JAG1: variants seen among roughly 807,000 people sequenced by gnomAD.
JAG1 encodes jagged canonical Notch ligand 1.
JAG1 carries 23 observed loss-of-function variants against 148.7 expected under a neutral mutation model. The ratio of observed to expected loss-of-function variants is 0.15; its 90% CI spans 0.11 to 0.22. JAG1 has a LOEUF of 0.22. Among genes scored for constraint, JAG1 ranks in the 10% least tolerant of loss-of-function variants. The pLI is 1.00. For missense variants in JAG1, 1,054 were observed against 1,611.2 expected, an observed-to-expected ratio of 0.65 and a Z score of 5.92; for synonymous variants, 572 against 598.3, an observed-to-expected ratio of 0.96 and a Z score of 0.64.
In JAG1 at chr20:10,641,795, G is replaced by A. The variant is rs776821383; in HGVS notation, c.2670C>T (p.Ile890=). The part of the protein sequence containing the change: ...CNTCQCLNGR[I]ACSKVWCGPR... ...CATCATGTCCTACCTTTGAGCAGGCGATCCGTCCATTCAGGCACTGGCAGG... is the reference window on the plus strand; with the variant it reads ...CATCATGTCCTACCTTTGAGCAGGCAATCCGTCCATTCAGGCACTGGCAGG... Residue 890 remains isoleucine, a synonymous_variant, in exon 22 of 26, where the codon ATC becomes ATT. Transcript: ENST00000254958. The A allele has an allele frequency of 5.0e-6, 8 of 1,613,498 alleles. No individual in the cohort carries two copies. Among genetic ancestry groups the A allele is most frequent in the East Asian group, 4.5e-5 (2 of 44,882 alleles).
chr20:10,641,338 T>C, intron 23 of JAG1, 94 bp from the exon 24 acceptor site: 1 of 1,558,848 alleles, frequency 6.4e-7, no homozygotes. Flanking sequence ...AGTTCAAGCT[T>C]ACTTTATTAT....
chr20:10,651,600 G>A lies in JAG1; in HGVS notation c.1101C>T (p.Thr367=), dbSNP rs766771784. 34 of 1,612,426 alleles carry A rather than the reference G, an allele frequency of 2.1e-5. No homozygotes were observed. Among genetic ancestry groups the A allele is most frequent in the Middle Eastern group, 1.6e-4 (1 of 6,078 alleles). The part of the protein sequence containing the change: ...GFECECSPGW[T]GPTCSTNIDD... ...ACTTACTTGTAGAGCATGTGGGGCCGGTCCAGCCTGGGGAACACTCACACT... is the reference window on the plus strand; with the variant it reads ...ACTTACTTGTAGAGCATGTGGGGCCAGTCCAGCCTGGGGAACACTCACACT... The change falls in exon 8 of 26, where the codon ACC becomes ACT. Residue 367 remains threonine, a synonymous_variant. Transcript: ENST00000254958.
In JAG1 at chr20:10,673,530, TC is replaced by T; in HGVS notation, c.-1del. ...CGGCCGCGCGTCCGTGGGGAACGCA[TC>T]GCTGCGCCGCGCGCCGCGGGCACTC... On this transcript the variant is annotated 5_prime_UTR_variant, in exon 1 of 26. Transcript: ENST00000254958. This position sits in a 1 kb window ranked among gnomAD's most constrained non-coding sequence, Gnocchi z 4.7. 1 of 1,242,820 alleles carries T rather than the reference TC, an allele frequency of 8.0e-7. No individual in the cohort carries two copies. Among genetic ancestry groups the T allele is most frequent in the Non-Finnish European group, 1.0e-6 (1 of 985,870 alleles). The allele number at this position is 1,242,820 out of a possible 1,614,324, so 77.0% of individuals were successfully genotyped here. A position where few individuals can be genotyped will look rare whatever the true frequency, so the allele number is the denominator to read the frequency against.
At position 10,664,163 on chromosome 20, in the gene JAG1, G is replaced by A. The variant is rs74464347; in HGVS notation, c.388-149C>T. ...TGGTTGTTGCATTGAGTTCCTGGAT[G>A]TTTAAATCCAAACCAACTCCCCTTC... On this transcript the variant is annotated intron_variant, in intron 2 of 25. Transcript: ENST00000254958. The A allele has an allele frequency of 6.8e-3, 4,927 of 721,306 alleles. 175 individuals are homozygous for A. The African/African-American group carries it at 0.074, about 11-fold the overall frequency. The allele number at this position is 721,306 out of a possible 1,614,324, so 44.7% of individuals were successfully genotyped here.
Position 10,643,878 on chromosome 20 carries a change from A to T in JAG1, c.2373-15T>A. 6.2e-7 allele frequency: 1 copy of T among 1,606,884 alleles called. No individual in the cohort carries two copies. ...CGCTGTTGTAACTAAGAAAGCAAAG[A>T]CCACCTTGGTTACCAACCTCCCAGT... On this transcript the variant is annotated splice_polypyrimidine_tract_variant and intron_variant, in intron 19 of 25. Transcript: ENST00000254958.
chr20:10,667,137 TC>T (rs1284887832), intron 2 of JAG1, among the ~76,000 whole-genome samples: 6 of 152,170 alleles, frequency 3.9e-5, no homozygotes, highest in Non-Finnish European at 7.4e-5. Flanking sequence ...AGCGGCTGCC[TC>T]CCCTCCTGCC....
Position 10,673,107 on chromosome 20 carries a change from C to A in JAG1, c.82-101G>T. 1 of 1,086,232 alleles carries A rather than the reference C, an allele frequency of 9.2e-7. No homozygotes were observed. The highest frequency in any genetic ancestry group is 1.4e-6 in the Non-Finnish European group (1 of 728,380). The allele number at this position is 1,086,232 out of a possible 1,614,324, so 67.3% of individuals were successfully genotyped here. ...CCACTCCCCGCCCCGACGAGCCCTC[C>A]TCGCCGAGTGAAAATAATTTTGCGA... is the stretch of plus-strand genomic sequence containing the variant. On this transcript the variant is annotated intron_variant, in intron 1 of 25. Coordinates refer to ENST00000254958, the MANE Select transcript of JAG1 (RefSeq NM_000214.3). This position sits in a 1 kb window ranked among gnomAD's most constrained non-coding sequence, Gnocchi z 4.7.
intron 13 of JAG1, 73 bp from the exon 14 acceptor site, chr20:10,647,176 G>T (rs1480642744): frequency 1.8e-5 from 29 of 1,578,076 alleles, no homozygotes; most frequent in South Asian, 8.9e-5. Flanking sequence ...AAGGGCCTGG[G>T]CCAAGCCCAC....
At chr20:10,663,224 G>A (rs913307136) in intron 3 of JAG1, among the ~76,000 whole-genome samples, 3 of 152,140 alleles carry the variant, frequency 2.0e-5, no homozygotes, top group Middle Eastern at 3.2e-3. Context: ...TCCAGCGACC[G>A]CAACCCAAAC....
At chr20:10,668,737 C>T (rs1359099575) in intron 2 of JAG1, among the ~76,000 whole-genome samples, 2 of 151,880 alleles carry the variant, frequency 1.3e-5, no homozygotes, top group African/African-American at 2.4e-5. Flanking sequence ...CTAAAAGGTC[C>T]CCAAAGGCAC....
chr20:10,645,014 G>A lies in JAG1; in HGVS notation c.2228-35C>T. On this transcript the variant is annotated intron_variant, in intron 17 of 25. Coordinates refer to ENST00000254958, the MANE Select transcript of JAG1 (RefSeq NM_000214.3). This position sits in a 1 kb window ranked among gnomAD's most constrained non-coding sequence, Gnocchi z 6.1. ...AAGAGCAGACACGACCACCCTCCCT[G>A]AGTATCCAGAAACAGTCTGGAGGGG... is the stretch of plus-strand genomic sequence containing the variant. 6.4e-7 allele frequency: 1 copy of A among 1,569,314 alleles called. No individual in the cohort carries two copies. The highest frequency in any genetic ancestry group is 2.2e-5 in the East Asian group (1 of 44,630).
intron 2 of JAG1, among the ~76,000 whole-genome samples, chr20:10,672,473 C>T (rs931684412): frequency 1.3e-5 from 2 of 152,324 alleles, no homozygotes; most frequent in Non-Finnish European, 1.5e-5. Flanking sequence ...GGGATCCCCA[C>T]TTTTGTGCAC....
chr20:10,658,016 G>A (rs182332228), intron 4 of JAG1, among the ~76,000 whole-genome samples: 5 of 152,344 alleles, frequency 3.3e-5, no homozygotes, highest in Admixed American at 2.0e-4. Context: ...GAGGGAAGCA[G>A]ATGGGGTAGG....
At chr20:10,644,197 G>C (rs971585617) in intron 19 of JAG1, among the ~76,000 whole-genome samples, 160 bp downstream of exon 19, 3 of 151,804 alleles carry the variant, frequency 2.0e-5, no homozygotes, top group Non-Finnish European at 4.4e-5. Flanking sequence ...CTGGGAGCTT[G>C]TTAGAAAAGC....
chr20:10,646,978 C>T lies in JAG1; in HGVS notation c.1846G>A (p.Asp616Asn). 6.2e-7 allele frequency: 1 copy of T among 1,614,190 alleles called. No homozygotes were observed. Among genetic ancestry groups the T allele is most frequent in the Non-Finnish European group, 8.5e-7 (1 of 1,180,034 alleles). Reference sequence around the variant, plus strand: ...GTTCCCGTGAAGCCTTTGTTACAGTCACAGGTGAATTTGCCTCCCGACTGA... The same window carrying T: ...GTTCCCGTGAAGCCTTTGTTACAGTTACAGGTGAATTTGCCTCCCGACTGA... ...KSQSGGKFTC[D>N]CNKGFTGTYC... Residue 616 changes from aspartate (D) to asparagine (N), a missense_variant, in exon 14 of 26, where the codon GAC becomes AAC. Physicochemically the swap from Asp to Asn is conservative, Grantham distance 23. Transcript: ENST00000254958.
intron 5 of JAG1, among the ~76,000 whole-genome samples, chr20:10,654,596 T>G (rs2067366770): frequency 6.6e-6 from 1 of 152,160 alleles, no homozygotes; most frequent in Non-Finnish European, 1.5e-5. Flanking sequence ...TAACTTGCCA[T>G]TCAACTATTT....
rs745431482 is a variant in JAG1, at chr20:10,639,630, C to T, written c.3525G>A (p.Ala1175=). ...TCTCTTCTCTGTCTACCAGCGTGTA[C>T]GCCGGCTGCTTGGCAAACCGGGCTT... ...QQKARFAKQP[A]YTLVDREEKP... Residue 1175 remains alanine, a synonymous_variant, in exon 26 of 26, where the codon GCG becomes GCA. Transcript: ENST00000254958. 2.0e-5 allele frequency: 32 copies of T among 1,614,082 alleles called. No homozygotes were observed. The highest frequency in any genetic ancestry group is 4.5e-5 in the East Asian group (2 of 44,904).
chr20:10,641,087 G>A, intron 24 of JAG1, 26 bp downstream of exon 24: 6 of 1,613,956 alleles, frequency 3.7e-6, no homozygotes, highest in Non-Finnish European at 5.1e-6. Context: ...ATCGAATAAT[G>A]AGGTGTGAAT....
chr20:10,652,367 G>A, intron 6 of JAG1, 101 bp downstream of exon 6: 6 of 1,595,368 alleles, frequency 3.8e-6, no homozygotes. Flanking sequence ...CAGCATTCAA[G>A]GAGAATTCAG....
Sources: gnomAD v4.1 joint callset for allele counts (sites outside exome capture counted in the v4.1 genomes callset) on GRCh38, gnomAD v4.1.1 for gene constraint, Gnocchi (gnomAD v3.1) non-coding constraint, MANE v1.5 for transcripts, NCBI Gene and HGNC (gene_info 2026-07-23, HGNC 2026-07-21) for gene names.